Variants in BANF2 observed in about 807,000 individuals in gnomAD.
The protein encoded by BANF2 is barrier-to-autointegration factor-like protein.
In BANF2, 4 loss-of-function variants were observed where a neutral mutation model predicts 8.0. The ratio of observed to expected loss-of-function variants is 0.50; its 90% CI spans 0.25 to 1.14. The LOEUF (loss-of-function observed/expected upper bound fraction) is 1.14. Ranked by LOEUF, BANF2 falls within the 50% of genes most tolerant of loss-of-function variation. The probability of loss-of-function intolerance (pLI) is 0.16; values close to 1 mark genes in which losing one functional copy is unlikely to be tolerated. For synonymous variants in BANF2, 50 were observed against 40.6 expected (o/e 1.23, Z -0.88); for missense variants, 96 against 107.5 (o/e 0.89, Z 0.47).
intron 1 of BANF2, among the ~76,000 whole-genome samples, chr20:17,719,788 T>C (rs374239472): frequency 1.3e-5 from 2 of 152,156 alleles, no homozygotes; most frequent in African/African-American, 2.4e-5. Flanking sequence ...TTCCTATTGA[T>C]GGCTAATGAG....
chr20:17,695,469 A>AAG (rs1555821671), upstream of BANF2, among the ~76,000 whole-genome samples: 2 of 146,346 alleles, frequency 1.4e-5, no homozygotes, highest in Non-Finnish European at 3.0e-5. Context: ...AAAAAAAAAA[A>AAG]GTAGAGTCGC....
chr20:17,719,501 T>G (rs1211669341), intron 1 of BANF2, among the ~76,000 whole-genome samples: 1 of 151,834 alleles, frequency 6.6e-6, no homozygotes, highest in Non-Finnish European at 1.5e-5. Flanking sequence ...AAATTAGGGG[T>G]TTAGGCTAGA....
At chr20:17,695,833 C>T (rs1008939461), upstream of BANF2, among the ~76,000 whole-genome samples, 5 of 152,138 alleles carry the variant, frequency 3.3e-5, no homozygotes, top group Non-Finnish European at 7.4e-5. Flanking sequence ...TAACCTGTTC[C>T]CCCATCCCCC....
intron 1 of BANF2, among the ~76,000 whole-genome samples, chr20:17,720,999 C>T (rs561924809): frequency 2.6e-5 from 4 of 152,288 alleles, no homozygotes; most frequent in African/African-American, 4.8e-5. Context: ...CCAGGTGGTT[C>T]GTGCACTCAC....
chr20:17,710,332 C>T (rs1488467858), intron 1 of BANF2, among the ~76,000 whole-genome samples: 3 of 152,204 alleles, frequency 2.0e-5, no homozygotes, highest in African/African-American at 7.2e-5. Context: ...CCACCCAGAC[C>T]TCAGCCTGCA....
At chr20:17,733,884 C>T (rs1459244970) in intron 3 of BANF2, among the ~76,000 whole-genome samples, 1 of 152,164 alleles carries the variant, frequency 6.6e-6, no homozygotes, top group Non-Finnish European at 1.5e-5. Flanking sequence ...AAAGTATGCT[C>T]TCTTTGGTTA....
At chr20:17,719,003 T>C (rs112637341) in intron 1 of BANF2, among the ~76,000 whole-genome samples, 3 of 152,206 alleles carry the variant, frequency 2.0e-5, no homozygotes, top group African/African-American at 7.2e-5. Flanking sequence ...CTGTCCATAA[T>C]GGACCCAATG....
rs553766872 is a variant in BANF2, at chr20:17,701,416, G to A, written c.-167+1361G>A. Among the ~76,000 whole-genome samples, 38 of 152,314 alleles carry A rather than the reference G, an allele frequency of 2.5e-4. No individual in the cohort carries two copies. In the South Asian group the frequency reaches 7.2e-3, roughly 29 times the overall value. On this transcript the variant is annotated intron_variant, in intron 1 of 3. Coordinates refer to ENST00000246090, the MANE Select transcript of BANF2 (RefSeq NM_178477.5). ...GAAGACTGTTCTGTGCTGGTGCCAC[G>A]TCTAAAGAGGGTCATTAACCTGGAG...
chr20:17,722,678 C>T (rs1157928951), intron 1 of BANF2, 38 bp from the exon 2 acceptor site: 2 of 961,078 alleles, frequency 2.1e-6, no homozygotes, highest in Non-Finnish European at 2.5e-6. Context: ...GTCAGGGGAC[C>T]CTGAACAACC....
At position 17,725,136 on chromosome 20, in the gene BANF2, C is replaced by G. The variant is rs370019661; in HGVS notation, c.111C>G (p.Thr37=). The change falls in exon 3 of 4, where the codon ACC becomes ACG. Residue 37 remains threonine, a synonymous_variant. Coordinates refer to ENST00000246090, the MANE Select transcript of BANF2 (RefSeq NM_178477.5). ...ISHELAINLV[T]KGINKAYILL... is the part of the protein sequence containing the mutation. ...ATGAGCTCGCGATCAATTTGGTCAC[C>G]AAAGGTATCAATAAGGTAATTCATA... 2.5e-4 allele frequency: 409 copies of G among 1,612,340 alleles called. 1 individual carries two copies. Among genetic ancestry groups the G allele is most frequent in the Admixed American group, 3.5e-4 (21 of 60,010 alleles).
chr20:17,725,176 T>C lies in BANF2; in HGVS notation c.126+25T>C, dbSNP rs2037789287. On this transcript the variant is annotated intron_variant, in intron 3 of 3. Transcript: ENST00000246090. ...GGTAATTCATATTTTCTTACTTCTC[T>C]GACTTCTCTTCCCTACCTTTCTTCC... 2.5e-6 allele frequency: 4 copies of C among 1,599,768 alleles called. No individual in the cohort carries two copies. In the East Asian group the frequency reaches 8.9e-5, roughly 36 times the overall value.
intron 1 of BANF2, among the ~76,000 whole-genome samples, chr20:17,693,898 C>T (rs1001893042): frequency 1.3e-5 from 2 of 152,208 alleles, no homozygotes; most frequent in African/African-American, 2.4e-5. Context: ...CTTCACACCA[C>T]GGTGGCTGAC....
intron 1 of BANF2, among the ~76,000 whole-genome samples, chr20:17,701,640 G>C (rs2037410382): frequency 3.3e-5 from 5 of 152,198 alleles, no homozygotes; most frequent in African/African-American, 1.2e-4. Context: ...TAGGTTTCTG[G>C]GTGTTAGTAC....
chr20:17,732,381 T>C (rs1223029542), intron 3 of BANF2, among the ~76,000 whole-genome samples: 1 of 152,240 alleles, frequency 6.6e-6, no homozygotes, highest in Non-Finnish European at 1.5e-5. Context: ...TGTTTGTTTG[T>C]TTCGAGACAG....
rs186084464 is a variant in BANF2 at position 17,708,390 on chromosome 20, C to G, written c.-167+8335C>G. ...ATGGCTTTGTTTTGTTGGGTCCATA[C>G]AGCATTATGAATATTTGAATGATTT... On this transcript the variant is annotated intron_variant, in intron 1 of 3. Coordinates refer to ENST00000246090, the MANE Select transcript of BANF2 (RefSeq NM_178477.5). Among the ~76,000 whole-genome samples the G allele has an allele frequency of 7.9e-5, 12 of 152,260 alleles. No homozygotes were observed. In the East Asian group the frequency reaches 1.4e-3, roughly 17 times the overall value.
chr20:17,713,080 A>G (rs2037599721), intron 1 of BANF2, among the ~76,000 whole-genome samples: 2 of 151,286 alleles, frequency 1.3e-5, no homozygotes, highest in African/African-American at 2.4e-5. Flanking sequence ...AGACCCCCCG[A>G]TCTCTACGAA....
chr20:17,734,446 G>A (rs989652285), intron 3 of BANF2, among the ~76,000 whole-genome samples: 5 of 152,194 alleles, frequency 3.3e-5, no homozygotes, highest in Non-Finnish European at 5.9e-5. Context: ...AGCACACCGT[G>A]TGCATTAGGA....
chr20:17,728,005 G>T (rs2037833855), intron 3 of BANF2, among the ~76,000 whole-genome samples: 1 of 152,076 alleles, frequency 6.6e-6, no homozygotes, highest in African/African-American at 2.4e-5. Flanking sequence ...GGGATTACAG[G>T]CATGAGCCAC....
At chr20:17,726,328 G>A (rs1049356983) in intron 3 of BANF2, among the ~76,000 whole-genome samples, 6 of 152,072 alleles carry the variant, frequency 3.9e-5, no homozygotes, top group Admixed American at 3.9e-4. Context: ...TGGGACTACA[G>A]GTGTGTGCCA....
Sources: gnomAD v4.1 joint callset for allele counts (sites outside exome capture counted in the v4.1 genomes callset) on GRCh38, gnomAD v4.1.1 for gene constraint, MANE v1.5 for transcripts, NCBI Gene and HGNC (gene_info 2026-07-23, HGNC 2026-07-21) for gene names.